Variants in SND1 observed in about 807,000 individuals in gnomAD.
The protein encoded by SND1 is staphylococcal nuclease domain-containing protein 1.
Under a neutral mutation model 121.7 loss-of-function variants are expected in SND1, and 38 were observed. The observed-to-expected ratio is 0.31, with a 90% confidence interval of 0.24 to 0.41. SND1 has a LOEUF of 0.41. SND1 is among the 10% of genes least tolerant of loss of function. SND1 has a pLI of 1.00. For synonymous variants in SND1, 401 were observed against 447.4 expected (o/e 0.90, Z 1.31); for missense variants, 868 against 1,184.6 (o/e 0.73, Z 3.92).
chr7:127,697,097 G>T (rs1194667841), intron 3 of SND1, among the ~76,000 whole-genome samples: 1 of 151,970 alleles, frequency 6.6e-6, no homozygotes, highest in Non-Finnish European at 1.5e-5. Context: ...GAGACTTTGT[G>T]GTTAACCTAG....
chr7:127,794,759 G>A (rs1298921235), intron 10 of SND1, among the ~76,000 whole-genome samples: 1 of 152,196 alleles, frequency 6.6e-6, no homozygotes, highest in East Asian at 1.9e-4. Flanking sequence ...TCTCTTCTGA[G>A]GGCATTGGCT....
chr7:127,727,236 C>A (rs1475451507), intron 10 of SND1, among the ~76,000 whole-genome samples: 1 of 152,196 alleles, frequency 6.6e-6, no homozygotes, highest in Non-Finnish European at 1.5e-5. Flanking sequence ...ACCTGGCCCG[C>A]CTGGCTCTCC....
intron 12 of SND1, among the ~76,000 whole-genome samples, chr7:127,850,077 G>T (rs982467018): frequency 1.3e-5 from 2 of 152,118 alleles, no homozygotes; most frequent in African/African-American, 4.8e-5. Flanking sequence ...CTTTTTCTTT[G>T]GTTCTAATTT....
rs114695666 is a variant in SND1 at position 127,776,071 on chromosome 7, G to A, written c.1153-31413G>A. Reference sequence around the variant, plus strand: ...TAAACTTCTGCACTAAACAACACTGGGCACCAAGTGTTTTGTGACTGGGTA... The same window carrying A: ...TAAACTTCTGCACTAAACAACACTGAGCACCAAGTGTTTTGTGACTGGGTA... On this transcript the variant is annotated intron_variant, in intron 10 of 23. Coordinates refer to ENST00000354725, the MANE Select transcript of SND1 (RefSeq NM_014390.4). 4.0e-3 allele frequency among the ~76,000 whole-genome samples: 614 copies of A among 152,170 alleles called. 8 individuals carry two copies. Among genetic ancestry groups the A allele is most frequent in the African/African-American group, 0.014 (580 of 41,496 alleles).
chr7:127,861,652 T>G (rs1437061954), intron 12 of SND1, among the ~76,000 whole-genome samples: 2 of 152,164 alleles, frequency 1.3e-5, no homozygotes, highest in Admixed American at 1.3e-4. Context: ...TTTTTACATT[T>G]TTTAGTAGAG....
intron 2 of SND1, among the ~76,000 whole-genome samples, chr7:127,694,171 A>T (rs1795969796): frequency 6.6e-6 from 1 of 152,102 alleles, no homozygotes; most frequent in African/African-American, 2.4e-5. Context: ...ATTTTGGGGG[A>T]TATCTTCTTA....
chr7:127,901,439 G>A (rs1800228531), intron 13 of SND1, among the ~76,000 whole-genome samples: 1 of 152,168 alleles, frequency 6.6e-6, no homozygotes, highest in South Asian at 2.1e-4. Context: ...CAAGCAGAGG[G>A]AGGTTTTCTG....
At chr7:127,814,134 A>G (rs1346163291) in intron 11 of SND1, among the ~76,000 whole-genome samples, 2 of 152,144 alleles carry the variant, frequency 1.3e-5, no homozygotes, top group Non-Finnish European at 2.9e-5. Flanking sequence ...TATTTATAAC[A>G]TGATTTGTGG....
At position 128,081,540 on chromosome 7, in the gene SND1, G is replaced by A. The variant is rs571492940; in HGVS notation, c.2110+39G>A. Reference sequence around the variant, plus strand: ...CCGCTGGCTCGTGGTTCCTGGCTTGGTCCAGCTGGCGCTGCCTGGGGGTAG... The same window carrying A: ...CCGCTGGCTCGTGGTTCCTGGCTTGATCCAGCTGGCGCTGCCTGGGGGTAG... On this transcript the variant is annotated intron_variant, in intron 18 of 23. Coordinates refer to ENST00000354725, the MANE Select transcript of SND1 (RefSeq NM_014390.4). The A allele has an allele frequency of 9.3e-5, 150 of 1,610,602 alleles. 3 individuals carry two copies. In the South Asian group the frequency reaches 1.6e-3, roughly 17 times the overall value.
intron 20 of SND1, 161 bp from the exon 21 acceptor site, chr7:128,086,777 C>T (rs370725556): frequency 1.5e-6 from 1 of 669,766 alleles, no homozygotes. Context: ...AGGCTTCACC[C>T]ACTGGGGAGC....
At chr7:128,037,531 C>T (rs1052527841) in intron 16 of SND1, among the ~76,000 whole-genome samples, 1 of 152,176 alleles carries the variant, frequency 6.6e-6, no homozygotes, top group African/African-American at 2.4e-5. Context: ...TCATTCAGCC[C>T]ATTACAGTGA....
chr7:127,929,378 G>A lies in SND1; in HGVS notation c.1669+49G>A, dbSNP rs376182955. 3.0e-5 allele frequency: 47 copies of A among 1,589,096 alleles called. No homozygotes were observed. The Middle Eastern group carries it at 6.6e-4, about 22-fold the overall frequency. ...ACTCTGAGCTCAGAAGTCATCCCTGGAAACCACATACCCTCCTTTCCCCCT... is the reference window on the plus strand; with the variant it reads ...ACTCTGAGCTCAGAAGTCATCCCTGAAAACCACATACCCTCCTTTCCCCCT... On this transcript the variant is annotated intron_variant, in intron 15 of 23. Transcript: ENST00000354725.
intron 2 of SND1, among the ~76,000 whole-genome samples, chr7:127,691,217 A>T (rs1795907552): frequency 1.2e-5 from 1 of 81,490 alleles, no homozygotes; most frequent in Non-Finnish European, 3.3e-5. Flanking sequence ...TATTGAAATA[A>T]AAAAAAAAAT....
At chr7:127,924,132 C>A (rs770963195) in intron 14 of SND1, among the ~76,000 whole-genome samples, 2 of 152,028 alleles carry the variant, frequency 1.3e-5, no homozygotes, top group Non-Finnish European at 2.9e-5. Flanking sequence ...CAGAGAGCTT[C>A]ATAGGAAGAA....
rs960944664 is a variant in SND1 at position 127,858,127 on chromosome 7, T to A, written c.1343+13703T>A. 2.9e-5 allele frequency: 25 copies of A among 867,890 alleles called. No homozygotes were observed. The African/African-American group carries it at 3.5e-4, about 12-fold the overall frequency. 53.8% of individuals were successfully genotyped at this position (867,890 alleles called of 1,614,324 possible). A position where few individuals can be genotyped will look rare whatever the true frequency, so the allele number is the denominator to read the frequency against. On this transcript the variant is annotated intron_variant, in intron 12 of 23. Transcript: ENST00000354725. ...CTCTGCCACTTCCTCAGCGAACATG[T>A]CTAGGGAGTGTGGGGGTGTGGGATT...
intron 10 of SND1, among the ~76,000 whole-genome samples, chr7:127,766,420 G>T (rs531565959): frequency 1.3e-5 from 2 of 152,148 alleles, no homozygotes; most frequent in Non-Finnish European, 2.9e-5. Flanking sequence ...TAAAGCTTTG[G>T]ATTCTGATGG....
At chr7:127,998,649 C>A (rs1372163841) in intron 16 of SND1, 4 of 152,198 alleles carry the variant, frequency 2.6e-5, no homozygotes, top group Admixed American at 2.6e-4. Flanking sequence ...TGGCCCTTTG[C>A]GAAGTACTTC....
Position 127,988,421 on chromosome 7 carries a change from G to C in SND1, c.1670-2526G>C, listed in dbSNP as rs62481455. ...AACTGCTGGGAAGTGGACTAGCAAC[G>C]TAACAAAGGCCCTTCTTTGCCTTTG... On this transcript the variant is annotated intron_variant, in intron 15 of 23. Coordinates refer to ENST00000354725, the MANE Select transcript of SND1 (RefSeq NM_014390.4). Among the ~76,000 whole-genome samples, 4 of 152,192 alleles carry C rather than the reference G, an allele frequency of 2.6e-5. 1 individual carries two copies. In the South Asian group the frequency reaches 6.2e-4, roughly 24 times the overall value.
At chr7:127,998,086 A>G (rs1342434647) in intron 16 of SND1, 9 of 441,126 alleles carry the variant, frequency 2.0e-5, no homozygotes, top group African/African-American at 4.1e-5. Flanking sequence ...TGCCTAGTAT[A>G]TAAGAGATAC....
Sources: allele counts gnomAD v4.1 joint callset (sites outside exome capture counted in the v4.1 genomes callset), GRCh38; gene constraint gnomAD v4.1.1; transcripts MANE v1.5; gene names NCBI Gene and HGNC (gene_info 2026-07-23, HGNC 2026-07-21).